The following TOP2A variants were observed in gnomAD, a reference collection of about 807,000 sequenced individuals.
TOP2A encodes DNA topoisomerase 2-alpha.
Under a neutral mutation model 187.2 loss-of-function variants are expected in TOP2A, and 68 were observed. The ratio of observed to expected loss-of-function variants is 0.36; its 90% CI spans 0.30 to 0.44. The LOEUF (loss-of-function observed/expected upper bound fraction) is 0.44. Ranked by LOEUF, TOP2A falls within the 20% of genes least tolerant of loss-of-function variation. TOP2A has a pLI of 1.00. For missense variants in TOP2A, 1,196 were observed against 1,808.7 expected (o/e 0.66, Z 6.14); for synonymous variants, 542 against 593.2 (o/e 0.91, Z 1.25).
chr17:40,391,768 AT>A, intron 32 of TOP2A, 128 bp from the exon 33 acceptor site: 1 of 1,068,452 alleles, frequency 9.4e-7, no homozygotes, highest in Non-Finnish European at 1.3e-6. Flanking sequence ...TATTTAAAAC[AT>A]ACTCTTAAAA....
chr17:40,406,654 G>A lies in TOP2A; in HGVS notation c.1773C>T (p.Ser591=), dbSNP rs758857599. 11 of 1,612,200 alleles carry A rather than the reference G, an allele frequency of 6.8e-6. No homozygotes were observed. The highest frequency in any genetic ancestry group is 3.3e-5 in the South Asian group (3 of 90,966). Reference sequence around the variant, plus strand: ...TCTTCCACTCTTCAAATTCAGGAAGGCTGTAAAATGCCATTTCTTGCTTGT... The same window carrying A: ...TCTTCCACTCTTCAAATTCAGGAAGACTGTAAAATGCCATTTCTTGCTTGT... ...SKNKQEMAFY[S]LPEFEEWKSS... The change falls in exon 15 of 35, where the codon AGC becomes AGT. Residue 591 remains serine (S), a synonymous_variant. Transcript: ENST00000423485.
intron 12 of TOP2A, 103 bp downstream of exon 12, chr17:40,407,864 G>C: frequency 7.5e-7 from 1 of 1,337,280 alleles, no homozygotes; most frequent in South Asian, 1.5e-5. Flanking sequence ...AGCACAAATT[G>C]TCTAAAATAT....
chr17:40,388,949 G>A lies in TOP2A; in HGVS notation c.*570C>T. On this transcript the variant is annotated 3_prime_UTR_variant, in exon 35 of 35. Transcript: ENST00000423485. ...GCCAAAGTGTTTTTCTTCGGCCTCTGATGATTTGAGAAGATGAAGAACATG... is the reference window on the plus strand; with the variant it reads ...GCCAAAGTGTTTTTCTTCGGCCTCTAATGATTTGAGAAGATGAAGAACATG... 1 of 210,006 alleles carries A rather than the reference G, an allele frequency of 4.8e-6. No individual in the cohort carries two copies. The allele number at this position is 210,006 out of a possible 1,614,324, so 13.0% of individuals were successfully genotyped here.
chr17:40,414,229 G>C (rs1381767179), intron 4 of TOP2A, among the ~76,000 whole-genome samples: 2 of 152,040 alleles, frequency 1.3e-5, no homozygotes, highest in Non-Finnish European at 2.9e-5. Context: ...ACAGCATCTC[G>C]CTCTGTCACC....
Position 40,400,573 on chromosome 17 carries a change from T to C in TOP2A, c.2755A>G (p.Thr919Ala). Residue 919 changes from threonine (T) to alanine (A), a missense_variant, in exon 22 of 35, where the codon ACA (threonine) becomes GCA (alanine). Transcript: ENST00000423485. ...ISGEVAILNS[T>A]TIEISELPVR... ...GGAAGCTCTGAGATTTCAATGGTTG[T>C]AGAATTAAGAATAGCTACTTCACCA... 1 of 1,611,798 alleles carries C rather than the reference T, an allele frequency of 6.2e-7. No homozygotes were observed. Among genetic ancestry groups the C allele is most frequent in the Non-Finnish European group, 8.5e-7 (1 of 1,179,096 alleles).
intron 16 of TOP2A, among the ~76,000 whole-genome samples, chr17:40,405,600 G>A (rs2035231936): frequency 6.6e-6 from 1 of 151,718 alleles, no homozygotes; most frequent in African/African-American, 2.4e-5. Context: ...GATTACAGGC[G>A]CGTGTCACCA....
intron 7 of TOP2A, 35 bp downstream of exon 7, chr17:40,412,724 C>A (rs2035338309): frequency 6.5e-7 from 1 of 1,542,860 alleles, no homozygotes; most frequent in Non-Finnish European, 8.9e-7. Context: ...ATTACAAAAT[C>A]CCTTATTATC....
At position 40,403,071 on chromosome 17, in the gene TOP2A, A is replaced by G. The variant is rs781197486; in HGVS notation, c.2284-17T>C. 1.3e-6 allele frequency: 2 copies of G among 1,582,002 alleles called. No individual in the cohort carries two copies. Among genetic ancestry groups the G allele is most frequent in the African/African-American group, 1.3e-5 (1 of 74,538 alleles). On this transcript the variant is annotated splice_polypyrimidine_tract_variant and intron_variant, in intron 19 of 34. Transcript: ENST00000423485. ...TAGTGACATCTGTGGGGAAAAAAAG[A>G]TTCATTAAGCTGAGGCTTTTACTAA...
At chr17:40,403,540 A>G (rs1409893501) in intron 19 of TOP2A, among the ~76,000 whole-genome samples, 1 of 152,260 alleles carries the variant, frequency 6.6e-6, no homozygotes, top group Non-Finnish European at 1.5e-5. Flanking sequence ...AAGCAACAAG[A>G]CAACCATTAT....
chr17:40,416,576 T>G, intron 2 of TOP2A, 64 bp from the exon 3 acceptor site: 1 of 1,436,160 alleles, frequency 7.0e-7, no homozygotes, highest in Non-Finnish European at 9.8e-7. Context: ...TTATCATGAT[T>G]ACCATAAAGT....
rs763688595 is a variant in TOP2A, at chr17:40,390,104, C to T, written c.4328G>A (p.Arg1443Lys). 1 of 1,613,734 alleles carries T rather than the reference C, an allele frequency of 6.2e-7. No homozygotes were observed. The highest frequency in any genetic ancestry group is 1.1e-5 in the South Asian group (1 of 91,006). Residue 1443 changes from arginine to lysine, a missense_variant, in exon 34 of 35, where the codon AGG (arginine) becomes AAG (lysine). This residue lies in a region of TOP2A where 374 missense variants were observed against 403.3 expected (regional missense o/e 0.93). Coordinates refer to ENST00000423485, the MANE Select transcript of TOP2A (RefSeq NM_001067.4). ...KKRAAPKGTK[R>K]DPALNSGVSQ... ...GACACCAGAATTCAAAGCTGGATCC[C>T]TTTTAGTTCCTTTTGGGGCAGCCCT...
At chr17:40,396,696 C>G (rs2035104016) in intron 27 of TOP2A, among the ~76,000 whole-genome samples, 1 of 152,058 alleles carries the variant, frequency 6.6e-6, no homozygotes, top group Admixed American at 6.6e-5. Context: ...ACCACTTAAC[C>G]TTTTTGAGGA....
chr17:40,390,873 C>T (rs2035015164), intron 33 of TOP2A, among the ~76,000 whole-genome samples: 1 of 152,148 alleles, frequency 6.6e-6, no homozygotes, highest in Non-Finnish European at 1.5e-5. Flanking sequence ...GATCCACCCA[C>T]CTTGGCCTCC....
intron 10 of TOP2A, chr17:40,408,922 C>T (rs1039620912): frequency 1.8e-5 from 9 of 498,456 alleles, no homozygotes; most frequent in East Asian, 1.1e-4. Flanking sequence ...AGACCAGGCA[C>T]GGTGGCTCAC....
chr17:40,395,526 T>G lies in TOP2A; in HGVS notation c.3734A>C (p.Glu1245Ala). 1.9e-6 allele frequency: 3 copies of G among 1,608,220 alleles called. No homozygotes were observed. The highest frequency in any genetic ancestry group is 1.7e-6 in the Non-Finnish European group (2 of 1,175,828). The change falls in exon 29 of 35, where the codon GAA (glutamate) becomes GCA (alanine). Residue 1245 changes from glutamate to alanine, a missense_variant. Coordinates refer to ENST00000423485, the MANE Select transcript of TOP2A (RefSeq NM_001067.4). ...NKKKIKNENT[E>A]GSPQEDGVEL... is the part of the protein sequence containing the mutation. ...CACACCATCTTCTTGAGGGCTTCCT[T>G]CAGTATTTTCATTCTAAAAGATAGC... is the stretch of plus-strand genomic sequence containing the variant.
Position 40,390,334 on chromosome 17 carries a change from G to A in TOP2A, c.4268-170C>T, listed in dbSNP as rs8070500. ...CTCCTGAGTAGCTGGGATTACAGGC[G>A]TGTGCCACCACACCCGGCTAATTTT... On this transcript the variant is annotated intron_variant, in intron 33 of 34. Coordinates refer to ENST00000423485, the MANE Select transcript of TOP2A (RefSeq NM_001067.4). 3.7e-3 allele frequency among the ~76,000 whole-genome samples: 564 copies of A among 151,764 alleles called. 5 individuals carry two copies. Among genetic ancestry groups the A allele is most frequent in the African/African-American group, 0.013 (525 of 41,388 alleles).
At chr17:40,409,906 C>T in intron 10 of TOP2A, 1 of 168,094 alleles carries the variant, frequency 5.9e-6, no homozygotes, top group Admixed American at 6.3e-5. Flanking sequence ...ATGGTGAAAC[C>T]CTGTCTCTAC....
In TOP2A at chr17:40,408,099, C is replaced by T. The variant is rs556218332; in HGVS notation, c.1368G>A (p.Thr456=). 12 of 1,609,816 alleles carry T rather than the reference C, an allele frequency of 7.5e-6. No homozygotes were observed. The highest frequency in any genetic ancestry group is 3.4e-5 in the Admixed American group (2 of 59,258). Residue 456 remains threonine, a synonymous_variant, in exon 12 of 35, where the codon ACG becomes ACA. Coordinates refer to ENST00000423485, the MANE Select transcript of TOP2A (RefSeq NM_001067.4). ...DAGGRNSTEC[T]LILTEGDSAK... is the part of the protein sequence containing the mutation. ...CTGAATCTCCCTCAGTCAGGATAAG[C>T]GTACACTCAGTGGAGTTTCGGCCCC...
Position 40,388,599 on chromosome 17 carries a change from T to A in TOP2A, c.*920A>T, listed in dbSNP as rs1336754794. Reference sequence around the variant, plus strand: ...CTAATAGAAAAACATAGTAAATATTTACAAAAACGTTGATAACATTACTCA... The same window carrying A: ...CTAATAGAAAAACATAGTAAATATTAACAAAAACGTTGATAACATTACTCA... On this transcript the variant is annotated 3_prime_UTR_variant, in exon 35 of 35. Transcript: ENST00000423485. 8.2e-5 allele frequency: 15 copies of A among 183,230 alleles called. No individual in the cohort carries two copies. The Admixed American group carries it at 9.4e-4, about 11-fold the overall frequency. 11.4% of individuals were successfully genotyped at this position (183,230 alleles called of 1,614,324 possible).
Sources: allele counts gnomAD v4.1 joint callset (sites outside exome capture counted in the v4.1 genomes callset), GRCh38; gene constraint gnomAD v4.1.1; regional missense constraint gnomAD v4.1.1; transcripts MANE v1.5; gene names NCBI Gene and HGNC (gene_info 2026-07-23, HGNC 2026-07-21).